ZNF775: variants seen among roughly 807,000 people sequenced by gnomAD.
The protein encoded by ZNF775 is zinc finger protein 775.
Under a neutral mutation model 2.4 loss-of-function variants are expected in ZNF775, and 1 was observed. That is an observed-to-expected ratio of 0.41 (90% CI 0.15 to 1.94). The LOEUF is 1.94. Ranked by LOEUF, ZNF775 falls within the 30% of genes most tolerant of loss-of-function variation. ZNF775 has a pLI of 0.30. For missense variants in ZNF775, 823 were observed against 826.6 expected, an observed-to-expected ratio of 1.00 and a Z score of 0.05; for synonymous variants, 381 against 373.3, an observed-to-expected ratio of 1.02 and a Z score of -0.24.
At position 150,397,165 on chromosome 7, in the gene ZNF775, T is replaced by C. The variant is rs528957420; in HGVS notation, c.684T>C (p.Ile228=). The change falls in exon 3 of 3, where the codon ATT becomes ATC. Residue 228 remains isoleucine (I), a synonymous_variant. Coordinates refer to ENST00000329630, the MANE Select transcript of ZNF775 (RefSeq NM_173680.4). ...QGSRAGLHEL[I]QDAAARRACR... ...CCCGCGCCGGCCTGCACGAGCTGAT[T>C]CAGGACGCGGCGGCGCGCCGGGCCT... 73 of 1,405,582 alleles carry C rather than the reference T, an allele frequency of 5.2e-5. No individual in the cohort carries two copies. In the South Asian group the frequency reaches 1.1e-3, roughly 20 times the overall value. 87.1% of individuals were successfully genotyped at this position (1,405,582 alleles called of 1,614,324 possible).
At position 150,389,081 on chromosome 7, in the gene ZNF775, C is replaced by T. The variant is rs78987606; in HGVS notation, c.31+580C>T. On this transcript the variant is annotated intron_variant, in intron 2 of 2. Transcript: ENST00000329630. Reference sequence around the variant, plus strand: ...GCGCCTGGAGTGGAGCAGCCCCTGGCGTCTGTGTGTAGCACTTGCAGCCCT... The same window carrying T: ...GCGCCTGGAGTGGAGCAGCCCCTGGTGTCTGTGTGTAGCACTTGCAGCCCT... 4.8e-4 allele frequency among the ~76,000 whole-genome samples: 73 copies of T among 152,376 alleles called. 2 individuals carry two copies. The East Asian group carries it at 0.012, about 24-fold the overall frequency.
intron 1 of ZNF775, among the ~76,000 whole-genome samples, chr7:150,380,401 A>C (rs1197699413): frequency 6.6e-6 from 1 of 152,206 alleles, no homozygotes. Context: ...TGTGCAGACT[A>C]ACAAATTGAT....
At chr7:150,396,207 A>C (rs1800647616) in intron 2 of ZNF775, among the ~76,000 whole-genome samples, 2 of 151,920 alleles carry the variant, frequency 1.3e-5, no homozygotes, top group Non-Finnish European at 2.9e-5. Context: ...TGCCTCGGGG[A>C]TCCTGAGGCC....
At chr7:150,383,157 G>T (rs1240264799) in intron 1 of ZNF775, among the ~76,000 whole-genome samples, 1 of 152,202 alleles carries the variant, frequency 6.6e-6, no homozygotes, top group Admixed American at 6.5e-5. Flanking sequence ...GTGTGTTTGT[G>T]TGTGGTTTAG....
chr7:150,397,363 G>A lies in ZNF775; in HGVS notation c.882G>A (p.Ser294=), dbSNP rs770682515. 2.5e-6 allele frequency: 4 copies of A among 1,597,050 alleles called. No homozygotes were observed. Among genetic ancestry groups the A allele is most frequent in the Non-Finnish European group, 2.6e-6 (3 of 1,175,126 alleles). ...GTGGCAAGAGCTTCACCTGGTGGTC[G>A]TCGCTGAACATCCACCAGCGCATCC... ...NECGKSFTWW[S]SLNIHQRIHT... is the part of the protein sequence containing the mutation. The change falls in exon 3 of 3, where the codon TCG becomes TCA. Residue 294 remains serine (S), a synonymous_variant. Transcript: ENST00000329630.
chr7:150,393,150 C>T (rs1800590162), intron 2 of ZNF775, among the ~76,000 whole-genome samples: 1 of 151,932 alleles, frequency 6.6e-6, no homozygotes, highest in Admixed American at 6.6e-5. Context: ...CTCTCCCTAC[C>T]CCCCAACCCC....
rs1429488706 is a variant in ZNF775, at chr7:150,397,809, C to T, written c.1328C>T (p.Pro443Leu). 4.4e-6 allele frequency: 7 copies of T among 1,581,538 alleles called. No individual in the cohort carries two copies. Among genetic ancestry groups the T allele is most frequent in the East Asian group, 4.6e-5 (2 of 43,506 alleles). Residue 443 changes from proline to leucine, a missense_variant, in exon 3 of 3, where the codon CCG (proline) becomes CTG (leucine). Transcript: ENST00000329630. ...GCGGGCCTCGCTGGGCCTGGCGAGC[C>T]GCGCCAGTTCATCTGCAACGAGTGC... ...GQAGLAGPGE[P>L]RQFICNECGK... is the part of the protein sequence containing the mutation.
At chr7:150,391,052 G>A (rs1297027477) in intron 2 of ZNF775, among the ~76,000 whole-genome samples, 1 of 152,228 alleles carries the variant, frequency 6.6e-6, no homozygotes, top group African/African-American at 2.4e-5. Flanking sequence ...TTGATGACTA[G>A]TGGGGTTGAA....
chr7:150,381,571 G>A (rs113737424), intron 1 of ZNF775, among the ~76,000 whole-genome samples: 2 of 25,206 alleles, frequency 7.9e-5, no homozygotes, highest in African/African-American at 3.1e-4. Flanking sequence ...CACCGCCCCC[G>A]CCCCACTTGA....
At chr7:150,392,874 A>G (rs535813074) in intron 2 of ZNF775, among the ~76,000 whole-genome samples, 54 of 152,326 alleles carry the variant, frequency 3.5e-4, no homozygotes, top group Non-Finnish European at 6.6e-4. Context: ...TTACAGAAAA[A>G]TTGTGAAGAA....
At chr7:150,388,390 C>T (rs1370562636) in intron 1 of ZNF775, 32 bp from the exon 2 acceptor site, 1 of 1,515,272 alleles carries the variant, frequency 6.6e-7, no homozygotes, top group African/African-American at 1.4e-5. Flanking sequence ...CCCACAGGCC[C>T]ATTCTCTTTC....
rs145637222 is a variant in ZNF775, at chr7:150,381,200, AG to A, written c.-50+1810del. ...GGGGGCCAGGGGTGTGGCGCAGGGG[AG>A]GTGTGGGTGGGACAGTTCCAGCAAG... On this transcript the variant is annotated intron_variant, in intron 1 of 2. Transcript: ENST00000329630. 7.3e-3 allele frequency among the ~76,000 whole-genome samples: 1,058 copies of A among 144,248 alleles called. 14 individuals carry two copies. Among genetic ancestry groups the A allele is most frequent in the African/African-American group, 0.025 (984 of 39,534 alleles). The allele number at this position is 144,248 out of a possible 152,430, so 94.6% of individuals were successfully genotyped here.
intron 1 of ZNF775, 100 bp from the exon 2 acceptor site, chr7:150,388,322 A>G: frequency 1.1e-6 from 1 of 891,090 alleles, no homozygotes; most frequent in Non-Finnish European, 1.7e-6. Flanking sequence ...AGCTCTTTGG[A>G]AAAGAGAGTG....
intron 1 of ZNF775, among the ~76,000 whole-genome samples, chr7:150,385,278 A>G (rs753153108): frequency 1.3e-5 from 2 of 152,246 alleles, no homozygotes; most frequent in African/African-American, 2.4e-5. Flanking sequence ...AATAGAATTG[A>G]AAACAAAATC....
At position 150,397,179 on chromosome 7, in the gene ZNF775, C is replaced by T. The variant is rs548808389; in HGVS notation, c.698C>T (p.Ala233Val). 4.0e-5 allele frequency: 51 copies of T among 1,262,370 alleles called. No homozygotes were observed. In the Middle Eastern group the frequency reaches 3.0e-3, roughly 75 times the overall value. The allele number at this position is 1,262,370 out of a possible 1,614,324, so 78.2% of individuals were successfully genotyped here. A position where few individuals can be genotyped will look rare whatever the true frequency, so the allele number is the denominator to read the frequency against. ...CACGAGCTGATTCAGGACGCGGCGG[C>T]GCGCCGGGCCTGTCGCCTGCAGCCG... The part of the protein sequence containing the change: ...GLHELIQDAA[A>V]RRACRLQPGP... Residue 233 changes from alanine (A) to valine (V), a missense_variant, in exon 3 of 3, where the codon GCG becomes GTG. Physicochemically the swap from Ala to Val is moderately conservative, Grantham distance 64 (BLOSUM62 0). Coordinates refer to ENST00000329630, the MANE Select transcript of ZNF775 (RefSeq NM_173680.4).
chr7:150,397,916 TGCGGCCGCCGCTTCAGCCAGAA>T lies in ZNF775; in HGVS notation c.1438_1459del (p.Gly480ProfsTer3). 1 of 1,600,882 alleles carries T rather than the reference TGCGGCCGCCGCTTCAGCCAGAA, an allele frequency of 6.2e-7. No individual in the cohort carries two copies. Among genetic ancestry groups the T allele is most frequent in the Non-Finnish European group, 8.5e-7 (1 of 1,178,288 alleles). Reference sequence around the variant, plus strand: ...TGAGCGGCCCTACCCGTGCCCCGAGTGCGGCCGCCGCTTCAGCCAGAAGCCCAACCTGACGCGGCACCGGCGC... The same window carrying T: ...TGAGCGGCCCTACCCGTGCCCCGAGTGCCCAACCTGACGCGGCACCGGCGC... On this transcript the variant is annotated frameshift_variant, in exon 3 of 3. Transcript: ENST00000329630. LOFTEE classifies it low-confidence loss of function (END_TRUNC).
Position 150,384,333 on chromosome 7 carries a change from T to C in ZNF775, c.-49-4089T>C, listed in dbSNP as rs1233023104. Among the ~76,000 whole-genome samples, 1 of 152,254 alleles carries C rather than the reference T, an allele frequency of 6.6e-6. No individual in the cohort carries two copies. Among genetic ancestry groups the C allele is most frequent in the African/African-American group, 2.4e-5 (1 of 41,464 alleles). On this transcript the variant is annotated intron_variant, in intron 1 of 2. Coordinates refer to ENST00000329630, the MANE Select transcript of ZNF775 (RefSeq NM_173680.4). The surrounding 1 kb of genome is among the most constrained non-coding windows in gnomAD (Gnocchi z 4.1). Reference sequence around the variant, plus strand: ...TGGCGCATCTGGCCCTTGATGCCTGTCTTCCAGCCGGGGCGCTTTGCTGGG... The same window carrying C: ...TGGCGCATCTGGCCCTTGATGCCTGCCTTCCAGCCGGGGCGCTTTGCTGGG...
intron 2 of ZNF775, among the ~76,000 whole-genome samples, chr7:150,394,835 C>A (rs1800622007): frequency 6.6e-6 from 1 of 152,146 alleles, no homozygotes; most frequent in African/African-American, 2.4e-5. Context: ...TGGGGAAAAT[C>A]TCAGCAAGGT....
At chr7:150,387,542 A>G (rs7791479) in intron 1 of ZNF775, among the ~76,000 whole-genome samples, 68,244 of 151,504 alleles carry the variant, frequency 0.45, 15,590 homozygotes, top group Admixed American at 0.5. Flanking sequence ...GGCCGGGCGC[A>G]GTGGCTCACG....
Sources: gnomAD v4.1 joint callset for allele counts (sites outside exome capture counted in the v4.1 genomes callset) on GRCh38, gnomAD v4.1.1 for gene constraint, Gnocchi (gnomAD v3.1) non-coding constraint, MANE v1.5 for transcripts, NCBI Gene and HGNC (gene_info 2026-07-23, HGNC 2026-07-21) for gene names.